MYOZ2: variants seen among roughly 807,000 people sequenced by gnomAD.
The protein encoded by MYOZ2 is myozenin-2.
A neutral mutation model predicts 25.4 loss-of-function variants in MYOZ2; 19 were observed. The observed-to-expected ratio is 0.75, with a 90% CI of 0.52 to 1.10. The LOEUF (loss-of-function observed/expected upper bound fraction) is 1.10, where lower values mean the gene tolerates loss of function less well. Among genes scored for constraint, MYOZ2 ranks in the 50% least tolerant of loss-of-function variants. MYOZ2 has a pLI of 0.00. For synonymous variants in MYOZ2, 92 were observed against 106.9 expected, an observed-to-expected ratio of 0.86 and a Z score of 0.86; for missense variants, 270 against 317.9, an observed-to-expected ratio of 0.85 and a Z score of 1.15.
chr4:119,158,253 T>A, intron 4 of MYOZ2, 102 bp downstream of exon 4: 3 of 1,464,046 alleles, frequency 2.0e-6, no homozygotes, highest in Non-Finnish European at 1.9e-6. Context: ...AAATAATATA[T>A]CTTTTCTCAT....
intron 5 of MYOZ2, among the ~76,000 whole-genome samples, chr4:119,179,467 T>C (rs1455599085): frequency 6.6e-6 from 1 of 152,236 alleles, no homozygotes; most frequent in African/African-American, 2.4e-5. Flanking sequence ...AACTCTCATC[T>C]ACTCATTCTC....
Position 119,186,381 on chromosome 4 carries a change from A to C in MYOZ2, c.*181A>C. 1.7e-6 allele frequency: 1 copy of C among 586,596 alleles called. No individual in the cohort carries two copies. The highest frequency in any genetic ancestry group is 2.9e-5 in the East Asian group (1 of 34,716). The allele number at this position is 586,596 out of a possible 1,614,324, so 36.3% of individuals were successfully genotyped here. ...ATACTAATAAACAATTAGAAATCTT[A>C]CTTTAAAAAACTTATAACTCACTTG... is the stretch of plus-strand genomic sequence containing the variant. On this transcript the variant is annotated 3_prime_UTR_variant, in exon 6 of 6. Coordinates refer to ENST00000307128, the MANE Select transcript of MYOZ2 (RefSeq NM_016599.5).
chr4:119,183,930 T>C (rs1397670886), intron 5 of MYOZ2, among the ~76,000 whole-genome samples: 1 of 151,078 alleles, frequency 6.6e-6, no homozygotes, highest in African/African-American at 2.4e-5. Context: ...TTCTCCTGCC[T>C]CAGCCTCCTG....
intron 2 of MYOZ2, among the ~76,000 whole-genome samples, chr4:119,138,215 C>G (rs1022361269): frequency 3.3e-5 from 5 of 152,122 alleles, no homozygotes; most frequent in Admixed American, 6.6e-5. Context: ...CTGAAGCCCT[C>G]CCTCCCATGT....
intron 3 of MYOZ2, among the ~76,000 whole-genome samples, chr4:119,156,275 G>A (rs1303737232): frequency 1.3e-5 from 2 of 151,362 alleles, no homozygotes; most frequent in African/African-American, 4.9e-5. Flanking sequence ...GTAGAAAGGT[G>A]GAGAAACATA....
At chr4:119,157,774 C>G (rs1681016084) in intron 3 of MYOZ2, among the ~76,000 whole-genome samples, 1 of 152,088 alleles carries the variant, frequency 6.6e-6, no homozygotes, top group Non-Finnish European at 1.5e-5. Flanking sequence ...CAGTAAGTCT[C>G]AATTTCAGCT....
chr4:119,185,555 T>C (rs1006363610), intron 5 of MYOZ2, among the ~76,000 whole-genome samples: 1 of 152,302 alleles, frequency 6.6e-6, no homozygotes, highest in South Asian at 2.1e-4. Flanking sequence ...CCTCAGGTGA[T>C]CCTCCTGCCT....
At chr4:119,146,966 GCCCTCCT>G (rs1741315096) in intron 2 of MYOZ2, among the ~76,000 whole-genome samples, 1 of 152,054 alleles carries the variant, frequency 6.6e-6, no homozygotes, top group Non-Finnish European at 1.5e-5. Flanking sequence ...ATTATATAAT[GCCCTCCT>G]CTGTTTCTGG....
intron 2 of MYOZ2, among the ~76,000 whole-genome samples, chr4:119,140,540 T>C (rs1468356022): frequency 6.6e-6 from 1 of 152,192 alleles, no homozygotes; most frequent in Non-Finnish European, 1.5e-5. Flanking sequence ...TGGTGTGCAG[T>C]CATATCTTGT....
At chr4:119,158,259 C>G in intron 4 of MYOZ2, 108 bp downstream of exon 4, 2 of 1,449,872 alleles carry the variant, frequency 1.4e-6, no homozygotes, top group Admixed American at 3.8e-5. Flanking sequence ...TATATCTTTT[C>G]TCATTAAGTA....
intron 5 of MYOZ2, among the ~76,000 whole-genome samples, chr4:119,167,417 G>A (rs1217990932): frequency 6.6e-6 from 1 of 152,200 alleles, no homozygotes; most frequent in African/African-American, 2.4e-5. Flanking sequence ...AGTAGTTGTT[G>A]GTTCATGAAG....
chr4:119,164,197 A>T lies in MYOZ2; in HGVS notation c.377-14A>T. The T allele has an allele frequency of 6.2e-7, 1 of 1,611,962 alleles. No homozygotes were observed. The highest frequency in any genetic ancestry group is 8.5e-7 in the Non-Finnish European group (1 of 1,178,086). On this transcript the variant is annotated splice_polypyrimidine_tract_variant and intron_variant, in intron 4 of 5. Transcript: ENST00000307128. ...GGCACAGTATTTACTTACTTTTGCT[A>T]TATTTTTCCAAAGGATATTCTGGAC... is the stretch of plus-strand genomic sequence containing the variant.
At chr4:119,140,910 A>G (rs1224141985) in intron 2 of MYOZ2, among the ~76,000 whole-genome samples, 1 of 152,218 alleles carries the variant, frequency 6.6e-6, no homozygotes, top group Admixed American at 6.5e-5. Context: ...ATATGAAATA[A>G]GAAAATAAAG....
At position 119,164,378 on chromosome 4, in the gene MYOZ2, T is replaced by C. The variant is rs776107985; in HGVS notation, c.544T>C (p.Tyr182His). Residue 182 changes from tyrosine (Y) to histidine (H), a missense_variant, in exon 5 of 6, where the codon TAC (tyrosine) becomes CAC (histidine). Coordinates refer to ENST00000307128, the MANE Select transcript of MYOZ2 (RefSeq NM_016599.5). ...TGAAGGAAAGGCAGAACTGCCTGAT[T>C]ACAGGAGCTTTAACAGGTAATTCAA... ...KPEGKAELPD[Y>H]RSFNRVATPF... 9 of 1,613,928 alleles carry C rather than the reference T, an allele frequency of 5.6e-6. No homozygotes were observed. In the East Asian group the frequency reaches 8.9e-5, roughly 16 times the overall value.
chr4:119,181,952 G>T (rs997332424), intron 5 of MYOZ2, among the ~76,000 whole-genome samples: 2 of 151,976 alleles, frequency 1.3e-5, no homozygotes, highest in Non-Finnish European at 2.9e-5. Flanking sequence ...TATAAAACAC[G>T]ACTTTATTGT....
chr4:119,183,011 G>T (rs1742217840), intron 5 of MYOZ2, among the ~76,000 whole-genome samples: 1 of 151,978 alleles, frequency 6.6e-6, no homozygotes, highest in Admixed American at 6.6e-5. Flanking sequence ...CAGAAATTAA[G>T]GTAGTCAAGA....
At position 119,139,667 on chromosome 4, in the gene MYOZ2, A is replaced by G. The variant is rs564080657; in HGVS notation, c.76+3066A>G. Among the ~76,000 whole-genome samples, 12 of 152,296 alleles carry G rather than the reference A, an allele frequency of 7.9e-5. No individual in the cohort carries two copies. The South Asian group carries it at 2.5e-3, about 32-fold the overall frequency. On this transcript the variant is annotated intron_variant, in intron 2 of 5. Coordinates refer to ENST00000307128, the MANE Select transcript of MYOZ2 (RefSeq NM_016599.5). Reference sequence around the variant, plus strand: ...TCTAGAGAAACTGGCATCTGTTTAGAAATGCTGGGGGAAAGGAATTGGAAT... The same window carrying G: ...TCTAGAGAAACTGGCATCTGTTTAGGAATGCTGGGGGAAAGGAATTGGAAT...
At chr4:119,165,916 G>C (rs1479443151) in intron 5 of MYOZ2, among the ~76,000 whole-genome samples, 1 of 152,144 alleles carries the variant, frequency 6.6e-6, no homozygotes, top group East Asian at 1.9e-4. Context: ...ATAAAGAGAT[G>C]CCTATTGACT....
intron 3 of MYOZ2, among the ~76,000 whole-genome samples, chr4:119,155,798 A>G (rs997819286): frequency 1.3e-5 from 2 of 152,198 alleles, no homozygotes; most frequent in African/African-American, 4.8e-5. Flanking sequence ...TGCTTGGTGG[A>G]AAATGAACAG....
Sources: allele counts gnomAD v4.1 joint callset (sites outside exome capture counted in the v4.1 genomes callset), GRCh38; gene constraint gnomAD v4.1.1; transcripts MANE v1.5; gene names NCBI Gene and HGNC (gene_info 2026-07-23, HGNC 2026-07-21).